NALCN: variants seen among roughly 807,000 people sequenced by gnomAD.
The protein encoded by NALCN is sodium leak channel, non-selective.
NALCN carries 111 observed loss-of-function variants against 225.3 expected under a neutral mutation model. That is an observed-to-expected ratio of 0.49 (90% CI 0.42 to 0.58). NALCN has a LOEUF of 0.58. NALCN is among the 20% of genes least tolerant of loss of function. The probability of loss-of-function intolerance (pLI) is 0.00; values close to 1 mark genes in which losing one functional copy is unlikely to be tolerated. For synonymous variants in NALCN, 764 were observed against 769.0 expected (o/e 0.99, Z 0.11); for missense variants, 1,378 against 2,202.4 (o/e 0.63, Z 7.49).
intron 3 of NALCN, among the ~76,000 whole-genome samples, chr13:101,388,103 C>T (rs2047045377): frequency 6.6e-6 from 1 of 151,954 alleles, no homozygotes; most frequent in Non-Finnish European, 1.5e-5. Context: ...AATGACAGTA[C>T]TTACTGATAT....
chr13:101,148,459 T>C (rs549232698), intron 15 of NALCN, among the ~76,000 whole-genome samples: 2 of 152,288 alleles, frequency 1.3e-5, no homozygotes, highest in South Asian at 4.1e-4. Context: ...ACAATTAACT[T>C]AACTGGTTAC....
In NALCN at chr13:101,415,206, C is replaced by CATATATATATATATGTAT. The variant is rs1278371508; in HGVS notation, c.-40+1106_-40+1107insATACATATATATATATAT. Among the ~76,000 whole-genome samples the CATATATATATATATGTAT allele has an allele frequency of 1.6e-4, 17 of 104,820 alleles. 1 individual carries two copies. The highest frequency in any genetic ancestry group is 7.7e-4 in the African/African-American group (15 of 19,462). 68.8% of individuals were successfully genotyped at this position (104,820 alleles called of 152,430 possible). On this transcript the variant is annotated intron_variant, in intron 1 of 43. Transcript: ENST00000251127. ...TGTAGTTATGAACATACAAATCACACACATATATATATATATATACATACA... is the reference window on the plus strand; with the variant it reads ...TGTAGTTATGAACATACAAATCACACATATATATATATATGTATACATATATATATATATATACATACA...
chr13:101,150,747 TAAG>T (rs1162738169), intron 15 of NALCN, among the ~76,000 whole-genome samples: 6 of 138,326 alleles, frequency 4.3e-5, no homozygotes, highest in South Asian at 2.7e-4. Flanking sequence ...ATATATATTA[TAAG>T]AAGTGGTTAT....
At chr13:101,106,340 G>T (rs1343159983) in intron 22 of NALCN, among the ~76,000 whole-genome samples, 1 of 152,082 alleles carries the variant, frequency 6.6e-6, no homozygotes. Flanking sequence ...TTTGTGGAGG[G>T]GGAACAATTC....
In NALCN at chr13:101,135,108, T is replaced by C. The variant is rs536134416; in HGVS notation, c.2118+7972A>G. On this transcript the variant is annotated intron_variant, in intron 17 of 43. Coordinates refer to ENST00000251127, the MANE Select transcript of NALCN (RefSeq NM_052867.4). ...TACTCAGGAGGCTGAGGCAGGAGAA[T>C]GGCGTGAACCCGGGAGGCGGAGCTT... Among the ~76,000 whole-genome samples the C allele has an allele frequency of 2.6e-5, 4 of 152,132 alleles. No individual in the cohort carries two copies. The South Asian group carries it at 6.2e-4, about 24-fold the overall frequency.
intron 13 of NALCN, among the ~76,000 whole-genome samples, chr13:101,208,301 C>A (rs996059177): frequency 3.3e-5 from 5 of 152,130 alleles, no homozygotes; most frequent in Non-Finnish European, 2.9e-5. Flanking sequence ...CTGAGGCCAG[C>A]GAGACCAGGA....
At chr13:101,245,569 C>T (rs1355000033) in intron 11 of NALCN, among the ~76,000 whole-genome samples, 4 of 152,002 alleles carry the variant, frequency 2.6e-5, no homozygotes, top group Non-Finnish European at 4.4e-5. Flanking sequence ...TTTTCTACCC[C>T]CCAACTAAGA....
rs1188978466 is a variant in NALCN at position 101,068,035 on chromosome 13, T to C, written c.4331-2A>G. ...AGGAGAAATTCTCCACAATTATGGC[T>C]TTTAAAAAAAGAAAAATTCAGAAGT... is the stretch of plus-strand genomic sequence containing the variant. On this transcript the variant is annotated splice_acceptor_variant, in intron 38 of 43. Coordinates refer to ENST00000251127, the MANE Select transcript of NALCN (RefSeq NM_052867.4). LOFTEE classifies it high-confidence loss of function. 3 of 1,574,910 alleles carry C rather than the reference T, an allele frequency of 1.9e-6. No homozygotes were observed. Among genetic ancestry groups the C allele is most frequent in the Non-Finnish European group, 2.6e-6 (3 of 1,159,396 alleles).
intron 6 of NALCN, among the ~76,000 whole-genome samples, chr13:101,350,987 A>T (rs1464932696): frequency 1.3e-5 from 2 of 152,194 alleles, no homozygotes; most frequent in East Asian, 3.8e-4. Context: ...ATCTATAGAC[A>T]TATCTTTTGA....
chr13:101,189,085 G>A (rs1021115712), intron 14 of NALCN, among the ~76,000 whole-genome samples: 2 of 152,146 alleles, frequency 1.3e-5, no homozygotes, highest in Non-Finnish European at 2.9e-5. Flanking sequence ...TAAAAACTCT[G>A]AAGTAGGGAT....
intron 15 of NALCN, among the ~76,000 whole-genome samples, chr13:101,174,443 A>G (rs1304011070): frequency 2.0e-5 from 3 of 152,200 alleles, no homozygotes; most frequent in Non-Finnish European, 4.4e-5. Flanking sequence ...AGTTTATTAA[A>G]ACTTTATAGC....
At chr13:101,378,474 G>T in intron 4 of NALCN, 96 bp downstream of exon 4, 2 of 846,674 alleles carry the variant, frequency 2.4e-6, no homozygotes, top group Non-Finnish European at 3.6e-6. Context: ...AATCACATTT[G>T]ATATATATTT....
chr13:101,390,422 CAG>C (rs1358558962), intron 3 of NALCN, among the ~76,000 whole-genome samples: 2 of 151,870 alleles, frequency 1.3e-5, no homozygotes, highest in African/African-American at 4.8e-5. Flanking sequence ...AACATAAAAA[CAG>C]AGGGAAATAC....
Position 101,255,653 on chromosome 13 carries a change from A to G in NALCN, c.1266+2790T>C, listed in dbSNP as rs952268317. On this transcript the variant is annotated intron_variant, in intron 11 of 43. Transcript: ENST00000251127. ...CTTGTATCATTCTTCTGTCTCATCGATCTTCCCACTTCTCCCTCCTCAGAG... is the reference window on the plus strand; with the variant it reads ...CTTGTATCATTCTTCTGTCTCATCGGTCTTCCCACTTCTCCCTCCTCAGAG... 2.6e-5 allele frequency among the ~76,000 whole-genome samples: 4 copies of G among 152,088 alleles called. No individual in the cohort carries two copies. The East Asian group carries it at 5.8e-4, about 22-fold the overall frequency.
intron 7 of NALCN, among the ~76,000 whole-genome samples, chr13:101,298,879 G>A (rs1056223411): frequency 2.0e-5 from 3 of 152,198 alleles, no homozygotes; most frequent in African/African-American, 7.2e-5. Flanking sequence ...TGCCAATTGA[G>A]AAACACTTTT....
chr13:101,261,148 C>A (rs1269880534), intron 10 of NALCN, among the ~76,000 whole-genome samples: 1 of 152,112 alleles, frequency 6.6e-6, no homozygotes, highest in Non-Finnish European at 1.5e-5. Flanking sequence ...GTTCTTGGCA[C>A]CTTTGTTAAA....
At chr13:101,188,719 T>C (rs979111356) in intron 14 of NALCN, among the ~76,000 whole-genome samples, 2 of 151,676 alleles carry the variant, frequency 1.3e-5, no homozygotes, top group Non-Finnish European at 2.9e-5. Context: ...AGTTTCACTG[T>C]TGTTGCCCAG....
chr13:101,348,396 T>C (rs1024964665), intron 6 of NALCN, among the ~76,000 whole-genome samples: 7 of 152,170 alleles, frequency 4.6e-5, no homozygotes, highest in African/African-American at 1.4e-4. Flanking sequence ...ATGCTAGATG[T>C]TACCTACTGT....
At chr13:101,272,025 T>A (rs1483985907) in intron 10 of NALCN, among the ~76,000 whole-genome samples, 2 of 151,732 alleles carry the variant, frequency 1.3e-5, no homozygotes. Context: ...ACTGTGTGTG[T>A]ATGTACATGT....
Sources: allele counts gnomAD v4.1 joint callset (sites outside exome capture counted in the v4.1 genomes callset), GRCh38; gene constraint gnomAD v4.1.1; transcripts MANE v1.5; gene names NCBI Gene and HGNC (gene_info 2026-07-23, HGNC 2026-07-21).